Variants in ANK2 observed in about 807,000 individuals in gnomAD.
ANK2 encodes ankyrin-2.
A neutral mutation model predicts 360.5 loss-of-function variants in ANK2; 83 were observed. The observed-to-expected ratio is 0.23, with a 90% confidence interval of 0.19 to 0.28. ANK2 has a LOEUF of 0.28. ANK2 is among the 10% of genes least tolerant of loss of function. The pLI is 1.00. For missense variants in ANK2, 4,201 were observed against 4,795.7 expected (o/e 0.88, Z 3.66); for synonymous variants, 1,740 against 1,759.5 (o/e 0.99, Z 0.28).
Position 113,359,098 on chromosome 4 carries a change from C to T in ANK2, c.10480C>T (p.Gln3494Ter). 1 of 1,613,980 alleles carries T rather than the reference C, an allele frequency of 6.2e-7. No individual in the cohort carries two copies. The highest frequency in any genetic ancestry group is 8.5e-7 in the Non-Finnish European group (1 of 1,179,924). Residue 3494 changes from glutamine (Q) to a stop codon, truncating the protein, a stop_gained, in exon 38 of 46, where the codon CAG becomes TAG. Transcript: ENST00000357077. LOFTEE classifies it high-confidence loss of function. ...EASKLVDRLT[Q>*]SEREQEIVSD... ...TTCCAAATTAGTGGATAGGCTGACA[C>T]AGTCAGAGAGGGAGCAGGAAATAGT...
At chr4:112,902,120 A>C (rs1249528476) in intron 1 of ANK2, among the ~76,000 whole-genome samples, 2 of 152,204 alleles carry the variant, frequency 1.3e-5, no homozygotes, top group Admixed American at 6.5e-5. Context: ...TGTATGCAAA[A>C]GCCCAGGAAC....
At chr4:113,278,080 C>A in intron 16 of ANK2, 145 bp downstream of exon 16, 1 of 826,260 alleles carries the variant, frequency 1.2e-6, no homozygotes, top group Non-Finnish European at 2.0e-6. Context: ...CGATGTCTTC[C>A]ATGACCGTCC....
At chr4:112,757,042 T>A in the ANK2 span, among the ~76,000 whole-genome samples, 1 of 151,950 alleles carries the variant, frequency 6.6e-6, no homozygotes, top group African/African-American at 2.4e-5. Context: ...TTAAAAAAAA[T>A]TGTTCTTACA....
At chr4:112,784,009 A>G in the ANK2 span, among the ~76,000 whole-genome samples, 2 of 152,208 alleles carry the variant, frequency 1.3e-5, no homozygotes, top group East Asian at 3.9e-4. Flanking sequence ...ACTATACAAT[A>G]GTGAAAATAC....
intron 25 of ANK2, 135 bp from the exon 26 acceptor site, chr4:113,318,382 C>A: frequency 1.4e-6 from 1 of 692,532 alleles, no homozygotes; most frequent in Non-Finnish European, 2.6e-6. Flanking sequence ...ATTGTAAATA[C>A]ATTGGTTTTA....
intron 4 of ANK2, among the ~76,000 whole-genome samples, chr4:113,203,494 T>A (rs1415015189): frequency 6.6e-6 from 1 of 152,044 alleles, no homozygotes; most frequent in African/African-American, 2.4e-5. Context: ...TGGGAGCAGA[T>A]AATTTTTTCT....
the ANK2 span, among the ~76,000 whole-genome samples, chr4:112,803,578 C>T: frequency 6.6e-6 from 1 of 152,140 alleles, no homozygotes; most frequent in Non-Finnish European, 1.5e-5. Context: ...GAGCACAATC[C>T]TGTCGACATC....
chr4:113,086,486 A>C (rs538917952), intron 1 of ANK2, among the ~76,000 whole-genome samples: 1 of 152,350 alleles, frequency 6.6e-6, no homozygotes, highest in African/African-American at 2.4e-5. Flanking sequence ...ACTCTCTGGC[A>C]GGCCCTGTTC....
the ANK2 span, among the ~76,000 whole-genome samples, chr4:112,710,219 A>C: frequency 6.6e-6 from 1 of 152,226 alleles, no homozygotes; most frequent in Non-Finnish European, 1.5e-5. Flanking sequence ...ATGATGCCTT[A>C]CTTTGCAATC....
intron 30 of ANK2, 48 bp downstream of exon 30, chr4:113,336,105 T>A (rs2153960654): frequency 6.3e-7 from 1 of 1,590,198 alleles, no homozygotes; most frequent in African/African-American, 1.3e-5. Flanking sequence ...TGTATTCTAA[T>A]GATTAAAAAT....
intron 1 of ANK2, among the ~76,000 whole-genome samples, chr4:112,855,985 G>A (rs1327654610): frequency 1.3e-5 from 2 of 152,112 alleles, no homozygotes; most frequent in African/African-American, 2.4e-5. Context: ...TTAGATGTGG[G>A]TGCCCGCCCA....
intron 1 of ANK2, among the ~76,000 whole-genome samples, chr4:113,095,046 G>T (rs1038594476): frequency 6.6e-6 from 1 of 152,228 alleles, no homozygotes; most frequent in East Asian, 1.9e-4. Context: ...CAGCTAAGAT[G>T]CTGTGGCACA....
At chr4:113,028,945 T>C (rs961543149) in intron 2 of ANK2, among the ~76,000 whole-genome samples, 2 of 152,134 alleles carry the variant, frequency 1.3e-5, no homozygotes, top group African/African-American at 4.8e-5. Flanking sequence ...GTCAACTCAA[T>C]CATGGTGTAT....
chr4:113,054,464 T>C (rs1279766228), intron 1 of ANK2, among the ~76,000 whole-genome samples: 1 of 152,216 alleles, frequency 6.6e-6, no homozygotes, highest in African/African-American at 2.4e-5. Flanking sequence ...AAGGTTTATT[T>C]TTATAGCAGC....
intron 24 of ANK2, among the ~76,000 whole-genome samples, chr4:113,316,360 G>A (rs1368875037): frequency 6.6e-6 from 1 of 152,160 alleles, no homozygotes; most frequent in African/African-American, 2.4e-5. Flanking sequence ...ATAAGAAGGA[G>A]AAGGTCCTGG....
chr4:112,927,228 C>A (rs527498212), intron 2 of ANK2, among the ~76,000 whole-genome samples: 1 of 152,136 alleles, frequency 6.6e-6, no homozygotes, highest in Admixed American at 6.5e-5. Flanking sequence ...ATCAGATTCA[C>A]CTTTGAACCA....
In ANK2 at chr4:113,369,883, T is replaced by G. The variant is rs553807706; in HGVS notation, c.11610+78T>G. ...TCCAGTTTCCATTTCTATGATGGTT[T>G]ATTTTTTGCACTTCAAAACAAAAAA... On this transcript the variant is annotated intron_variant, in intron 43 of 45. Coordinates refer to ENST00000357077, the MANE Select transcript of ANK2 (RefSeq NM_001148.6). 41 of 1,592,976 alleles carry G rather than the reference T, an allele frequency of 2.6e-5. No homozygotes were observed. The South Asian group carries it at 2.9e-4, about 11-fold the overall frequency.
intron 4 of ANK2, among the ~76,000 whole-genome samples, chr4:113,203,989 A>G (rs1331776324): frequency 3.3e-5 from 5 of 152,174 alleles, no homozygotes; most frequent in Non-Finnish European, 5.9e-5. Context: ...TGAACTATAA[A>G]TGTCCTGCAA....
At chr4:113,042,385 C>T (rs1290695556) in intron 2 of ANK2, among the ~76,000 whole-genome samples, 1 of 152,116 alleles carries the variant, frequency 6.6e-6, no homozygotes, top group Non-Finnish European at 1.5e-5. Context: ...ACTTCTCAGC[C>T]TCTGCAGTGG....
Sources: allele counts gnomAD v4.1 joint callset (sites outside exome capture counted in the v4.1 genomes callset), GRCh38; gene constraint gnomAD v4.1.1; transcripts MANE v1.5; gene names NCBI Gene and HGNC (gene_info 2026-07-23, HGNC 2026-07-21).